The following NFIB variants were observed in gnomAD, a reference collection of about 807,000 sequenced individuals.
NFIB encodes the protein nuclear factor 1 B-type.
NFIB carries 11 observed loss-of-function variants against 61.5 expected under a neutral mutation model. That is an observed-to-expected ratio of 0.18 (90% CI 0.11 to 0.30). NFIB has a LOEUF of 0.30. Ranked by LOEUF, NFIB falls within the 10% of genes least tolerant of loss-of-function variation. The pLI is 1.00. For missense variants in NFIB, 471 were observed against 608.9 expected (o/e 0.77, Z 2.38); for synonymous variants, 260 against 216.5 (o/e 1.20, Z -1.76).
chr9:14,457,478 C>T, the NFIB span, among the ~76,000 whole-genome samples: 3 of 151,808 alleles, frequency 2.0e-5, no homozygotes, highest in South Asian at 6.3e-4. Flanking sequence ...CAAACACATT[C>T]AAAAGCTAGC....
At chr9:14,426,458 C>T in the NFIB span, among the ~76,000 whole-genome samples, 4 of 152,146 alleles carry the variant, frequency 2.6e-5, no homozygotes, top group Non-Finnish European at 5.9e-5. Flanking sequence ...TGAGAACCTT[C>T]GCTTTCATTG....
At chr9:14,206,888 C>G (rs552224592) in intron 2 of NFIB, among the ~76,000 whole-genome samples, 3 of 152,128 alleles carry the variant, frequency 2.0e-5, no homozygotes, top group East Asian at 1.9e-4. Context: ...AAAATTGTCA[C>G]CTACAAATGA....
chr9:14,337,572 C>T (rs572752357), intron 1 of NFIB, among the ~76,000 whole-genome samples: 10 of 152,298 alleles, frequency 6.6e-5, no homozygotes, highest in African/African-American at 2.4e-4. Context: ...TGTGTATACT[C>T]GGAAGTGCAC....
At chr9:14,224,627 T>C (rs10810118) in intron 2 of NFIB, among the ~76,000 whole-genome samples, 65,357 of 152,128 alleles carry the variant, frequency 0.43, 15,799 homozygotes, top group Non-Finnish European at 0.56. Context: ...GTATTAGGTA[T>C]TGTAAGTAGA....
At chr9:14,524,538 G>C in the NFIB span, among the ~76,000 whole-genome samples, 270 of 152,242 alleles carry the variant, frequency 1.8e-3, 2 homozygotes, top group Non-Finnish European at 3.3e-3. Flanking sequence ...TGCAAACTTG[G>C]ATCAATGAAA....
chr9:14,365,162 T>A (rs577772711), intron 1 of NFIB, among the ~76,000 whole-genome samples: 8 of 152,370 alleles, frequency 5.3e-5, no homozygotes, highest in African/African-American at 1.9e-4. Flanking sequence ...CTATTTTATC[T>A]AAGATTTTGC....
At chr9:14,292,263 A>G (rs2059154265) in intron 2 of NFIB, among the ~76,000 whole-genome samples, 1 of 152,176 alleles carries the variant, frequency 6.6e-6, no homozygotes, top group Admixed American at 6.5e-5. Flanking sequence ...CTGTAAAGTG[A>G]GAAGATCTGT....
At chr9:14,187,634 G>T (rs1237192071) in intron 2 of NFIB, among the ~76,000 whole-genome samples, 1 of 152,036 alleles carries the variant, frequency 6.6e-6, no homozygotes, top group Non-Finnish European at 1.5e-5. Context: ...CTTTTAAAGA[G>T]CCACTTTTTT....
chr9:14,465,572 T>TACACACAC, the NFIB span, among the ~76,000 whole-genome samples: 2,430 of 146,270 alleles, frequency 0.017, 35 homozygotes, highest in African/African-American at 0.038. Flanking sequence ...AATGACTTGT[T>TACACACAC]ACACACACAC....
chr9:14,121,576 T>G (rs1248181059), intron 7 of NFIB, among the ~76,000 whole-genome samples: 2 of 152,206 alleles, frequency 1.3e-5, no homozygotes, highest in African/African-American at 4.8e-5. Flanking sequence ...GAAACTCTCC[T>G]AATGAAAATG....
At chr9:14,151,039 T>C (rs74439287) in intron 4 of NFIB, among the ~76,000 whole-genome samples, 6,809 of 152,210 alleles carry the variant, frequency 0.045, 378 homozygotes, top group East Asian at 0.26. Context: ...TCTTGAGAGA[T>C]AAATAGCCTT....
At chr9:14,186,971 T>TTC (rs375135227) in intron 2 of NFIB, among the ~76,000 whole-genome samples, 1 of 150,476 alleles carries the variant, frequency 6.6e-6, no homozygotes, top group African/African-American at 2.5e-5. Context: ...GGGAAATGGT[T>TTC]TCTCTCTCTC....
At chr9:14,267,788 T>G (rs1274148172) in intron 2 of NFIB, among the ~76,000 whole-genome samples, 1 of 152,170 alleles carries the variant, frequency 6.6e-6, no homozygotes, top group Non-Finnish European at 1.5e-5. Flanking sequence ...AGGTGCTCAT[T>G]TAAAACTTTA....
intron 10 of NFIB, chr9:14,096,728 TC>T (rs1193692652): frequency 6.6e-6 from 1 of 152,210 alleles, no homozygotes; most frequent in Non-Finnish European, 1.5e-5. Flanking sequence ...ACAGCCTTCT[TC>T]ACGCTTCGGC....
chr9:14,236,037 T>A (rs2053704580), intron 2 of NFIB, among the ~76,000 whole-genome samples: 1 of 152,188 alleles, frequency 6.6e-6, no homozygotes, highest in East Asian at 1.9e-4. Flanking sequence ...GTACAGGATA[T>A]TTTTTAAAGA....
At chr9:14,320,544 T>G (rs938291601) in intron 1 of NFIB, among the ~76,000 whole-genome samples, 1 of 152,240 alleles carries the variant, frequency 6.6e-6, no homozygotes, top group Non-Finnish European at 1.5e-5. Flanking sequence ...CAACGTTTTG[T>G]GTTTCACAAA....
chr9:14,365,739 T>A (rs1342373290), intron 1 of NFIB, among the ~76,000 whole-genome samples: 1 of 152,194 alleles, frequency 6.6e-6, no homozygotes, highest in Non-Finnish European at 1.5e-5. Flanking sequence ...GGAAAGCTTG[T>A]CCTAGTATAG....
chr9:14,396,899 C>G (rs533714668), intron 1 of NFIB, among the ~76,000 whole-genome samples: 41 of 152,076 alleles, frequency 2.7e-4, no homozygotes, highest in African/African-American at 9.9e-4. Context: ...GAGAGGTGCC[C>G]CAAGAATGTG....
intron 2 of NFIB, among the ~76,000 whole-genome samples, chr9:14,271,657 G>A (rs776115477): frequency 3.3e-5 from 5 of 152,194 alleles, no homozygotes; most frequent in Non-Finnish European, 7.3e-5. Context: ...GAAGAGGGAT[G>A]AGGTGGTTGG....
Sources: gnomAD v4.1 joint callset for allele counts (sites outside exome capture counted in the v4.1 genomes callset) on GRCh38, gnomAD v4.1.1 for gene constraint, MANE v1.5 for transcripts, NCBI Gene and HGNC (gene_info 2026-07-23, HGNC 2026-07-21) for gene names.